JAK1: variants seen among roughly 807,000 people sequenced by gnomAD.
JAK1 encodes tyrosine-protein kinase JAK1.
In JAK1, 16 loss-of-function variants were observed where a neutral mutation model predicts 136.6. That is an observed-to-expected ratio of 0.12 (90% confidence interval 0.08 to 0.18). JAK1 has a LOEUF of 0.18. Among genes scored for constraint, JAK1 ranks in the 10% least tolerant of loss-of-function variants. The pLI is 1.00. For synonymous variants in JAK1, 492 were observed against 519.5 expected, an observed-to-expected ratio of 0.95 and a Z score of 0.72; for missense variants, 859 against 1,450.1, an observed-to-expected ratio of 0.59 and a Z score of 6.62.
At chr1:65,015,950 T>C (rs1198485205) in intron 2 of JAK1, among the ~76,000 whole-genome samples, 2 of 152,166 alleles carry the variant, frequency 1.3e-5, no homozygotes, top group Non-Finnish European at 2.9e-5. Flanking sequence ...AAACAACCCA[T>C]GTACCAACCA....
chr1:64,956,716 G>A (rs1646194340), intron 1 of JAK1, among the ~76,000 whole-genome samples: 1 of 152,194 alleles, frequency 6.6e-6, no homozygotes, highest in Non-Finnish European at 1.5e-5. Flanking sequence ...TGTGCAACCA[G>A]TATTTGGGGG....
At chr1:64,887,257 G>A (rs1180529807) in intron 1 of JAK1, among the ~76,000 whole-genome samples, 1 of 152,238 alleles carries the variant, frequency 6.6e-6, no homozygotes, top group African/African-American at 2.4e-5. Context: ...CGGCAGGGGA[G>A]ACAAGTATGA....
At chr1:65,050,682 G>T (rs980007196) in intron 1 of JAK1, among the ~76,000 whole-genome samples, 2 of 152,174 alleles carry the variant, frequency 1.3e-5, no homozygotes, top group African/African-American at 4.8e-5. Flanking sequence ...GAGTAGAGAA[G>T]GCATCAGAAA....
chr1:64,920,100 T>G (rs1299225779), intron 1 of JAK1, among the ~76,000 whole-genome samples: 1 of 152,234 alleles, frequency 6.6e-6, no homozygotes, highest in African/African-American at 2.4e-5. Context: ...TAAAAATCAC[T>G]ATGATCATTT....
chr1:64,956,298 A>G (rs898156987), intron 1 of JAK1, among the ~76,000 whole-genome samples: 4 of 152,220 alleles, frequency 2.6e-5, no homozygotes, highest in African/African-American at 9.7e-5. Context: ...AGAAAGAAAG[A>G]CGGTATCAAT....
At position 64,855,631 on chromosome 1, in the gene JAK1, A is replaced by G; in HGVS notation, c.1526T>C (p.Leu509Pro). Residue 509 changes from leucine to proline, a missense_variant, in exon 11 of 25, where the codon CTG becomes CCG. Transcript: ENST00000342505. ...QIEVQKGRYS[L>P]HGSDRSFPSL... ...GGGGAAGCTGCGGTCCGAACCGTGC[A>G]GACTGTAGCGGCCCTTCTGCACCTC... The G allele has an allele frequency of 6.2e-7, 1 of 1,614,170 alleles. No homozygotes were observed. The highest frequency in any genetic ancestry group is 8.5e-7 in the Non-Finnish European group (1 of 1,180,030).
intron 3 of JAK1, among the ~76,000 whole-genome samples, chr1:64,881,934 C>CA (rs1202801117): frequency 2.6e-5 from 4 of 151,860 alleles, no homozygotes; most frequent in Non-Finnish European, 4.4e-5. Flanking sequence ...AGGGAGAAAA[C>CA]AAAAAAACAA....
intron 1 of JAK1, among the ~76,000 whole-genome samples, chr1:64,941,604 G>T (rs1645890633): frequency 6.6e-6 from 1 of 152,134 alleles, no homozygotes; most frequent in Non-Finnish European, 1.5e-5. Context: ...GAGAAACTGG[G>T]GATGGAAAGG....
chr1:64,932,210 T>A (rs1645707907), intron 1 of JAK1, among the ~76,000 whole-genome samples: 1 of 152,040 alleles, frequency 6.6e-6, no homozygotes, highest in Non-Finnish European at 1.5e-5. Context: ...TTCAGGAGAT[T>A]GAGACCAGCC....
intron 1 of JAK1, among the ~76,000 whole-genome samples, chr1:64,935,085 C>G (rs1645764839): frequency 6.6e-6 from 1 of 152,204 alleles, no homozygotes; most frequent in African/African-American, 2.4e-5. Flanking sequence ...TCCCTTGATT[C>G]CATTCTAGCC....
chr1:64,863,980 T>TA (rs1656530203), intron 8 of JAK1, among the ~76,000 whole-genome samples: 2 of 152,252 alleles, frequency 1.3e-5, no homozygotes, highest in Admixed American at 1.3e-4. Flanking sequence ...TTTAACAGGT[T>TA]ACCAAACTGT....
chr1:65,030,463 T>C (rs984984010), intron 2 of JAK1, among the ~76,000 whole-genome samples: 2 of 151,984 alleles, frequency 1.3e-5, no homozygotes, highest in African/African-American at 4.8e-5. Flanking sequence ...AAATCATCAG[T>C]GAATGCTAAA....
At chr1:65,052,534 T>C (rs920948571) in intron 1 of JAK1, among the ~76,000 whole-genome samples, 14 of 151,688 alleles carry the variant, frequency 9.2e-5, no homozygotes, top group African/African-American at 2.9e-4. Context: ...AAAATCAGGC[T>C]GGGCGCAGTG....
At chr1:64,975,497 A>G (rs1646490707) in intron 2 of JAK1, among the ~76,000 whole-genome samples, 1 of 152,136 alleles carries the variant, frequency 6.6e-6, no homozygotes, top group African/African-American at 2.4e-5. Context: ...AAATCCATGG[A>G]CTGCTCTTCC....
intron 1 of JAK1, among the ~76,000 whole-genome samples, chr1:65,052,118 A>ATTTTTTTTTTTT (rs71056073): frequency 1.1e-5 from 1 of 93,564 alleles, no homozygotes; most frequent in Non-Finnish European, 2.1e-5. Flanking sequence ...ACGCCTGGCT[A>ATTTTTTTTTTTT]TTTTTTTTTT....
intron 8 of JAK1, among the ~76,000 whole-genome samples, chr1:64,863,655 A>C (rs1380662209): frequency 3.9e-5 from 6 of 152,172 alleles, no homozygotes; most frequent in African/African-American, 1.4e-4. Context: ...ATACCTATTG[A>C]TATTTTGAAC....
intron 2 of JAK1, among the ~76,000 whole-genome samples, chr1:64,988,571 A>T (rs1646621734): frequency 6.6e-6 from 1 of 152,116 alleles, no homozygotes; most frequent in Admixed American, 6.6e-5. Context: ...CACCAAGTGG[A>T]TGCTGAATTA....
intron 2 of JAK1, among the ~76,000 whole-genome samples, chr1:65,019,738 G>A (rs548489876): frequency 6.6e-6 from 1 of 152,054 alleles, no homozygotes; most frequent in African/African-American, 2.4e-5. Flanking sequence ...CCAACATTAT[G>A]AAACCCCATC....
At chr1:64,977,493 C>A (rs1301735618) in intron 2 of JAK1, among the ~76,000 whole-genome samples, 1 of 148,120 alleles carries the variant, frequency 6.8e-6, no homozygotes, top group Admixed American at 6.8e-5. Context: ...CTCTGTGGAG[C>A]AATCTTGGCT....
Sources: gnomAD v4.1 joint callset for allele counts (sites outside exome capture counted in the v4.1 genomes callset) on GRCh38, gnomAD v4.1.1 for gene constraint, MANE v1.5 for transcripts, NCBI Gene and HGNC (gene_info 2026-07-23, HGNC 2026-07-21) for gene names.